VPS53: variants seen among roughly 807,000 people sequenced by gnomAD.
The protein encoded by VPS53 is vacuolar protein sorting-associated protein 53 homolog.
VPS53 carries 70 observed loss-of-function variants against 107.0 expected under a neutral mutation model. The observed-to-expected ratio is 0.65, with a 90% CI of 0.54 to 0.80. VPS53 has a LOEUF of 0.80. VPS53 is among the 30% of genes least tolerant of loss of function. VPS53 has a pLI of 0.00. For missense variants in VPS53, 917 were observed against 1,049.4 expected, an observed-to-expected ratio of 0.87 and a Z score of 1.74; for synonymous variants, 409 against 393.3, an observed-to-expected ratio of 1.04 and a Z score of -0.47.
chr17:673,545 C>T (rs1972047143), intron 4 of VPS53, among the ~76,000 whole-genome samples: 2 of 152,382 alleles, frequency 1.3e-5, no homozygotes, highest in South Asian at 2.1e-4. Context: ...GTCGGACTCT[C>T]ACAGCCACAG....
At chr17:688,544 G>A (rs1051273831) in intron 4 of VPS53, among the ~76,000 whole-genome samples, 3 of 152,178 alleles carry the variant, frequency 2.0e-5, no homozygotes, top group African/African-American at 7.2e-5. Context: ...AAACCCAGTT[G>A]CACTACATTG....
intron 12 of VPS53, chr17:600,811 G>C (rs1344845631): frequency 6.6e-6 from 1 of 152,218 alleles, no homozygotes; most frequent in East Asian, 1.9e-4. Flanking sequence ...GCAAGAGGCA[G>C]GAATTGTGAC....
chr17:667,856 A>T (rs1465963028), intron 4 of VPS53, among the ~76,000 whole-genome samples: 1 of 152,164 alleles, frequency 6.6e-6, no homozygotes, highest in East Asian at 1.9e-4. Flanking sequence ...TCCTCAGATC[A>T]GCAGCGGTAT....
intron 7 of VPS53, among the ~76,000 whole-genome samples, chr17:642,532 G>T (rs77253182): frequency 1.4e-5 from 2 of 144,482 alleles, no homozygotes; most frequent in Non-Finnish European, 3.1e-5. Flanking sequence ...TACTTGGAAA[G>T]CGAGGACAAC....
At chr17:694,323 G>A (rs888434252) in intron 4 of VPS53, among the ~76,000 whole-genome samples, 4 of 152,200 alleles carry the variant, frequency 2.6e-5, no homozygotes, top group African/African-American at 7.2e-5. Context: ...GGGGGAGAAC[G>A]CCGACATTCC....
At chr17:538,431 G>C (rs1266401502) in intron 17 of VPS53, 4 of 152,244 alleles carry the variant, frequency 2.6e-5, no homozygotes, top group African/African-American at 9.7e-5. Context: ...TTCATAGAAG[G>C]AAGTCAGTAG....
At chr17:601,332 C>G (rs1968315060) in intron 12 of VPS53, among the ~76,000 whole-genome samples, 1 of 152,196 alleles carries the variant, frequency 6.6e-6, no homozygotes, top group Non-Finnish European at 1.5e-5. Context: ...CACTGGCCAC[C>G]TTGACATTTC....
At chr17:544,007 GAGGGAGTGAGGAAGGC>G (rs1910960856) in intron 17 of VPS53, among the ~76,000 whole-genome samples, 1 of 97,182 alleles carries the variant, frequency 1.0e-5, no homozygotes, top group Non-Finnish European at 1.9e-5. Context: ...GGGAGGGAGG[GAGGGAGTGAGGAAGGC>G]AGGGAGGGAG....
rs1397462254 is a variant in VPS53 at position 699,510 on chromosome 17, C to T, written c.169-130G>A. The T allele has an allele frequency of 9.5e-6, 6 of 634,868 alleles. No individual in the cohort carries two copies. The South Asian group carries it at 2.9e-4, about 31-fold the overall frequency. 39.3% of individuals were successfully genotyped at this position (634,868 alleles called of 1,614,324 possible). A position where few individuals can be genotyped will look rare whatever the true frequency, so the allele number is the denominator to read the frequency against. On this transcript the variant is annotated intron_variant, in intron 2 of 21. Coordinates refer to ENST00000437048, the MANE Select transcript of VPS53 (RefSeq NM_001128159.3). ...ATTTAATCACATGATATGAGTTTTGCTTTAAAAAAAAAAAAAGTAAAGCAG... is the reference window on the plus strand; with the variant it reads ...ATTTAATCACATGATATGAGTTTTGTTTTAAAAAAAAAAAAAGTAAAGCAG...
intron 4 of VPS53, among the ~76,000 whole-genome samples, chr17:664,805 G>A (rs1042657058): frequency 1.3e-5 from 2 of 152,198 alleles, no homozygotes; most frequent in African/African-American, 2.4e-5. Context: ...TTCCAGGAAG[G>A]TACAATGTGT....
At chr17:551,005 C>T (rs944292056) in intron 17 of VPS53, among the ~76,000 whole-genome samples, 2 of 152,148 alleles carry the variant, frequency 1.3e-5, no homozygotes, top group African/African-American at 4.8e-5. Flanking sequence ...AATGAAAACA[C>T]CCATTCTGGT....
chr17:687,256 A>T (rs1368702260), intron 4 of VPS53, among the ~76,000 whole-genome samples: 3 of 149,436 alleles, frequency 2.0e-5, no homozygotes, highest in Non-Finnish European at 4.5e-5. Flanking sequence ...ACGGCACTCC[A>T]GCCTGGGTGA....
At chr17:631,722 G>T in intron 7 of VPS53, 94 bp from the exon 8 acceptor site, 2 of 1,134,682 alleles carry the variant, frequency 1.8e-6, no homozygotes, top group Non-Finnish European at 2.6e-6. Context: ...AGTCTTTCGA[G>T]AAAGGCCAGG....
At position 519,247 on chromosome 17, in the gene VPS53, G is replaced by A. The variant is rs1459530958; in HGVS notation, c.2380C>T (p.Leu794Phe). 1 of 1,542,546 alleles carries A rather than the reference G, an allele frequency of 6.5e-7. No individual in the cohort carries two copies. Among genetic ancestry groups the A allele is most frequent in the Non-Finnish European group, 8.7e-7 (1 of 1,143,430 alleles). Residue 794 changes from leucine (L) to phenylalanine (F), a missense_variant, in exon 22 of 22, where the codon CTC becomes TTC. Leu to Phe is a conservative substitution (Grantham distance 22, BLOSUM62 0). Coordinates refer to ENST00000437048, the MANE Select transcript of VPS53 (RefSeq NM_001128159.3). This position sits in a 1 kb window ranked among gnomAD's most constrained non-coding sequence, Gnocchi z 5.0. Reference protein sequence around the residue: ...SSMLELLRQRLPAPPSGAESS... With the variant: ...SSMLELLRQRFPAPPSGAESS... ...TCTGCCCCCGAGGGCGGTGCGGGGA[G>A]CCGCTGGCGCAGGAGTTCCAGCATG...
intron 15 of VPS53, among the ~76,000 whole-genome samples, chr17:554,602 C>A (rs1354701181): frequency 2.0e-5 from 3 of 152,124 alleles, no homozygotes; most frequent in Admixed American, 6.5e-5. Context: ...GGGGTTTCAC[C>A]ATATCAGCCA....
intron 7 of VPS53, among the ~76,000 whole-genome samples, chr17:637,577 C>T (rs1039570620): frequency 6.6e-6 from 1 of 152,192 alleles, no homozygotes; most frequent in African/African-American, 2.4e-5. Flanking sequence ...TTTCCCTCTA[C>T]ACACTGCTTT....
intron 7 of VPS53, among the ~76,000 whole-genome samples, chr17:635,897 T>A (rs1453375472): frequency 6.6e-6 from 1 of 152,228 alleles, no homozygotes; most frequent in Admixed American, 6.5e-5. Flanking sequence ...TTTGGTTCCA[T>A]ATGAACTTTA....
rs1295057680 is a variant in VPS53 at position 699,394 on chromosome 17, G to C, written c.169-14C>G. The C allele has an allele frequency of 1.3e-6, 2 of 1,550,054 alleles. No homozygotes were observed. The highest frequency in any genetic ancestry group is 1.7e-6 in the Non-Finnish European group (2 of 1,154,170). Reference sequence around the variant, plus strand: ...GTTCGCCAGAGACTACAATAAAGAAGGAAGAGTGCCCAGCTGTTAGTCCAC... The same window carrying C: ...GTTCGCCAGAGACTACAATAAAGAACGAAGAGTGCCCAGCTGTTAGTCCAC... On this transcript the variant is annotated splice_polypyrimidine_tract_variant and intron_variant, in intron 2 of 21. Coordinates refer to ENST00000437048, the MANE Select transcript of VPS53 (RefSeq NM_001128159.3).
intron 18 of VPS53, chr17:536,281 A>G (rs1910054610): frequency 6.6e-6 from 1 of 152,108 alleles, no homozygotes; most frequent in South Asian, 2.1e-4. Context: ...GAGTGTGTCC[A>G]AGTATGAATA....
Sources: allele counts gnomAD v4.1 joint callset (sites outside exome capture counted in the v4.1 genomes callset), GRCh38; gene constraint gnomAD v4.1.1; non-coding constraint Gnocchi (gnomAD v3.1); transcripts MANE v1.5; gene names NCBI Gene and HGNC (gene_info 2026-07-23, HGNC 2026-07-21).